ZRANB2: variants seen among roughly 807,000 people sequenced by gnomAD.
ZRANB2 encodes the protein zinc finger Ran-binding domain-containing protein 2.
A neutral mutation model predicts 53.4 loss-of-function variants in ZRANB2; 19 were observed. The ratio of observed to expected loss-of-function variants is 0.36; its 90% CI spans 0.25 to 0.52. ZRANB2 has a LOEUF of 0.52. ZRANB2 is among the 20% of genes least tolerant of loss of function. The probability of loss-of-function intolerance (pLI) is 0.93; values close to 1 mark genes in which losing one functional copy is unlikely to be tolerated. For synonymous variants in ZRANB2, 145 were observed against 134.8 expected, an observed-to-expected ratio of 1.08 and a Z score of -0.52; for missense variants, 309 against 401.1, an observed-to-expected ratio of 0.77 and a Z score of 1.96.
chr1:71,075,856 G>T (rs955097826), intron 4 of ZRANB2, among the ~76,000 whole-genome samples: 1 of 147,860 alleles, frequency 6.8e-6, no homozygotes, highest in African/African-American at 2.5e-5. Flanking sequence ...GGGGATCAAG[G>T]ACATTATGTT....
intron 6 of ZRANB2, among the ~76,000 whole-genome samples, chr1:71,071,407 C>T (rs1315311001): frequency 1.3e-5 from 2 of 152,176 alleles, no homozygotes; most frequent in African/African-American, 4.8e-5. Context: ...TACTGACAGT[C>T]ATCACTCTGA....
In ZRANB2 at chr1:71,064,757, G is replaced by C. The variant is rs1232140527; in HGVS notation, c.*317C>G. ...CTAGGTAATCCTGTCTTAGCCAATGGACAGGATGTATTTGGAAATGACAAA... is the reference window on the plus strand; with the variant it reads ...CTAGGTAATCCTGTCTTAGCCAATGCACAGGATGTATTTGGAAATGACAAA... On this transcript the variant is annotated 3_prime_UTR_variant, in exon 10 of 10. Transcript: ENST00000370920. 2 of 193,656 alleles carry C rather than the reference G, an allele frequency of 1.0e-5. No homozygotes were observed. Among genetic ancestry groups the C allele is most frequent in the East Asian group, 1.4e-4 (1 of 7,232 alleles). The allele number at this position is 193,656 out of a possible 1,614,324, so 12.0% of individuals were successfully genotyped here. A position where few individuals can be genotyped will look rare whatever the true frequency, so the allele number is the denominator to read the frequency against.
intron 8 of ZRANB2, among the ~76,000 whole-genome samples, chr1:71,068,680 AAAC>A (rs1248017647): frequency 6.6e-6 from 1 of 152,190 alleles, no homozygotes; most frequent in Admixed American, 6.5e-5. Context: ...GAAAATATTG[AAAC>A]AACTGCCGTG....
intron 4 of ZRANB2, among the ~76,000 whole-genome samples, chr1:71,073,318 T>C (rs1175414479): frequency 2.0e-5 from 3 of 151,984 alleles, no homozygotes; most frequent in Non-Finnish European, 4.4e-5. Flanking sequence ...AAGTCTCCCA[T>C]TGAAAATTAA....
intron 7 of ZRANB2, among the ~76,000 whole-genome samples, chr1:71,070,499 TTTAC>T (rs752738961): frequency 6.6e-6 from 1 of 152,156 alleles, no homozygotes; most frequent in African/African-American, 2.4e-5. Flanking sequence ...AGATCTCCCC[TTTAC>T]TTAATTTCTA....
At chr1:71,072,618 T>A in intron 4 of ZRANB2, 70 bp from the exon 5 acceptor site, 1 of 1,195,564 alleles carries the variant, frequency 8.4e-7, no homozygotes. Context: ...CATGCCCAAA[T>A]CTCCAGACAA....
intron 4 of ZRANB2, among the ~76,000 whole-genome samples, chr1:71,075,660 A>T (rs970323472): frequency 8.6e-5 from 13 of 151,964 alleles, no homozygotes; most frequent in Non-Finnish European, 1.9e-4. Flanking sequence ...GACAGAATAA[A>T]CAATCAATCA....
chr1:71,072,180 C>CT lies in ZRANB2; in HGVS notation c.453dup (p.Glu152ArgfsTer9). The CT allele has an allele frequency of 6.2e-7, 1 of 1,612,258 alleles. No individual in the cohort carries two copies. Among genetic ancestry groups the CT allele is most frequent in the Non-Finnish European group, 8.5e-7 (1 of 1,179,142 alleles). On this transcript the variant is annotated frameshift_variant, in exon 6 of 10. Coordinates refer to ENST00000370920, the MANE Select transcript of ZRANB2 (RefSeq NM_203350.3). LOFTEE classifies it high-confidence loss of function. ...TCATCCTCTTCTTCTCCCTCTGATTCTTTATCTTCAACTTCCTTTAATATA... is the reference window on the plus strand; with the variant it reads ...TCATCCTCTTCTTCTCCCTCTGATTCTTTTATCTTCAACTTCCTTTAATATA...
intron 4 of ZRANB2, among the ~76,000 whole-genome samples, chr1:71,073,887 G>T (rs748140233): frequency 1.3e-5 from 2 of 151,934 alleles, no homozygotes; most frequent in Non-Finnish European, 2.9e-5. Context: ...TGTATAAATG[G>T]AAAATACACT....
In ZRANB2 at chr1:71,078,368, A is replaced by G. The variant is rs1573062280; in HGVS notation, c.218+89T>C. 14 of 1,094,850 alleles carry G rather than the reference A, an allele frequency of 1.3e-5. No homozygotes were observed. The East Asian group carries it at 3.3e-4, about 26-fold the overall frequency. 67.8% of individuals were successfully genotyped at this position (1,094,850 alleles called of 1,614,324 possible). ...TTTAAAAGGTTACCCTGGCTTGTCA[A>G]TGTCACTAATAAGAGCTGTAATATA... On this transcript the variant is annotated intron_variant, in intron 3 of 9. Transcript: ENST00000370920.
Position 71,070,850 on chromosome 1 carries a change from G to A in ZRANB2, c.660C>T (p.Pro220=), listed in dbSNP as rs1293405891. The part of the protein sequence containing the change: ...HSRSSSRSSS[P]SSSRSRSRSR... ...ACCTGGACCTAGACCTTGAACTTGA[G>A]GGGGAGGATGAGCGTGATGAAGATC... Residue 220 remains proline, a synonymous_variant, in exon 7 of 10, where the codon CCC becomes CCT. Coordinates refer to ENST00000370920, the MANE Select transcript of ZRANB2 (RefSeq NM_203350.3). The A allele has an allele frequency of 4.4e-6, 7 of 1,600,536 alleles. No homozygotes were observed. The highest frequency in any genetic ancestry group is 3.4e-5 in the South Asian group (3 of 89,252).
chr1:71,078,335 A>G, intron 3 of ZRANB2, 122 bp downstream of exon 3: 1 of 757,264 alleles, frequency 1.3e-6, no homozygotes, highest in East Asian at 2.6e-5. Flanking sequence ...GAATAACAAT[A>G]CCTTGGATTT....
In ZRANB2 at chr1:71,065,125, T is replaced by C; in HGVS notation, c.942A>G (p.Ser314=). ...RSRSPERRHR[S]SSGSSHSGSR... Reference sequence around the variant, plus strand: ...AACCAGAATGGGATGATCCAGATGATGACCTGTGGCGTCTGTAAGACATAA... The same window carrying C: ...AACCAGAATGGGATGATCCAGATGACGACCTGTGGCGTCTGTAAGACATAA... The change falls in exon 10 of 10, where the codon TCA becomes TCG. Residue 314 remains serine (S), a synonymous_variant. Transcript: ENST00000370920. 6.2e-7 allele frequency: 1 copy of C among 1,611,592 alleles called. No homozygotes were observed. Among genetic ancestry groups the C allele is most frequent in the South Asian group, 1.1e-5 (1 of 90,858 alleles).
chr1:71,064,817 A>T lies in ZRANB2; in HGVS notation c.*257T>A. ...AAATTAGGAAGCAAAGTACTTTGTT[A>T]TAGCTGAAATGGTTTTAAATGAAGC... is the stretch of plus-strand genomic sequence containing the variant. On this transcript the variant is annotated 3_prime_UTR_variant, in exon 10 of 10. Coordinates refer to ENST00000370920, the MANE Select transcript of ZRANB2 (RefSeq NM_203350.3). 3.2e-6 allele frequency: 1 copy of T among 308,436 alleles called. No individual in the cohort carries two copies. The highest frequency in any genetic ancestry group is 6.0e-6 in the Non-Finnish European group (1 of 166,566). The allele number at this position is 308,436 out of a possible 1,614,324, so 19.1% of individuals were successfully genotyped here.
At chr1:71,080,675 G>A (rs910825214) in intron 1 of ZRANB2, among the ~76,000 whole-genome samples, 17 of 151,850 alleles carry the variant, frequency 1.1e-4, no homozygotes, top group Non-Finnish European at 2.9e-5. Flanking sequence ...GGGCAAAAAG[G>A]TAGGCCATCT....
chr1:71,079,715 G>C (rs900390549), intron 1 of ZRANB2, among the ~76,000 whole-genome samples: 6 of 151,882 alleles, frequency 4.0e-5, no homozygotes, highest in Non-Finnish European at 8.8e-5. Flanking sequence ...CCTACCTCTG[G>C]GTGTGCTGTC....
intron 4 of ZRANB2, 76 bp from the exon 5 acceptor site, chr1:71,072,624 G>C: frequency 8.7e-7 from 1 of 1,143,318 alleles, no homozygotes; most frequent in Non-Finnish European, 1.3e-6. Flanking sequence ...CAAATCTCCA[G>C]ACAACAAAAA....
rs1468802785 is a variant in ZRANB2 at position 71,064,006 on chromosome 1, A to C, written c.*1068T>G. ...CAGAAAACAAACTAAAGCTCATGTG[A>C]CCAGATTTTAATTTTGAGAAATAAA... On this transcript the variant is annotated 3_prime_UTR_variant, in exon 10 of 10. Transcript: ENST00000370920. 1 of 152,438 alleles carries C rather than the reference A, an allele frequency of 6.6e-6. No homozygotes were observed. Among genetic ancestry groups the C allele is most frequent in the Non-Finnish European group, 1.5e-5 (1 of 67,874 alleles). 9.4% of individuals were successfully genotyped at this position (152,438 alleles called of 1,614,324 possible). A position where few individuals can be genotyped will look rare whatever the true frequency, so the allele number is the denominator to read the frequency against.
At chr1:71,071,511 C>G (rs533189014) in intron 6 of ZRANB2, among the ~76,000 whole-genome samples, 1 of 152,092 alleles carries the variant, frequency 6.6e-6, no homozygotes, top group African/African-American at 2.4e-5. Context: ...CTCTTATGAT[C>G]AGGCTCTAAG....
Sources: allele counts gnomAD v4.1 joint callset (sites outside exome capture counted in the v4.1 genomes callset), GRCh38; gene constraint gnomAD v4.1.1; transcripts MANE v1.5; gene names NCBI Gene and HGNC (gene_info 2026-07-23, HGNC 2026-07-21).